CHAF1A: variants seen among roughly 807,000 people sequenced by gnomAD.
CHAF1A encodes CAF-1 subunit A.
CHAF1A carries 5 observed loss-of-function variants against 93.2 expected under a neutral mutation model. That is an observed-to-expected ratio of 0.05 (90% CI 0.03 to 0.11). The LOEUF is 0.11. Among genes scored for constraint, CHAF1A ranks in the 10% least tolerant of loss-of-function variants. CHAF1A has a pLI of 1.00. For missense variants in CHAF1A, 1,102 were observed against 1,259.9 expected, an observed-to-expected ratio of 0.87 and a Z score of 1.90; for synonymous variants, 504 against 510.3, an observed-to-expected ratio of 0.99 and a Z score of 0.17.
intron 13 of CHAF1A, among the ~76,000 whole-genome samples, chr19:4,435,494 C>G (rs1352460959): frequency 6.6e-6 from 1 of 151,958 alleles, no homozygotes; most frequent in Admixed American, 6.6e-5. Flanking sequence ...CCACCTTAGC[C>G]TCCTCAGTAG....
chr19:4,410,611 C>T (rs1425289213), intron 3 of CHAF1A, among the ~76,000 whole-genome samples: 1 of 152,070 alleles, frequency 6.6e-6, no homozygotes, highest in Non-Finnish European at 1.5e-5. Flanking sequence ...GAATTTCTGA[C>T]CTCAAGTAAT....
At chr19:4,430,462 G>C (rs1053548253) in intron 10 of CHAF1A, 87 bp from the exon 11 acceptor site, 2 of 853,506 alleles carry the variant, frequency 2.3e-6, no homozygotes, top group African/African-American at 3.3e-5. Context: ...AGAGGTGTGA[G>C]CCACTGCGCC....
chr19:4,403,660 T>TAGCA (rs942642363), intron 1 of CHAF1A, among the ~76,000 whole-genome samples: 1 of 152,260 alleles, frequency 6.6e-6, no homozygotes, highest in African/African-American at 2.4e-5. Flanking sequence ...TGCAGGCCAG[T>TAGCA]AGCAGCCCCT....
At chr19:4,415,361 T>C (rs931970047) in intron 3 of CHAF1A, among the ~76,000 whole-genome samples, 8 of 152,170 alleles carry the variant, frequency 5.3e-5, no homozygotes, top group Non-Finnish European at 1.2e-4. Flanking sequence ...AAGTCTGTTA[T>C]CTCTGGACTC....
chr19:4,416,148 T>C (rs1973893802), intron 3 of CHAF1A, among the ~76,000 whole-genome samples: 1 of 151,844 alleles, frequency 6.6e-6, no homozygotes, highest in African/African-American at 2.4e-5. Flanking sequence ...CACTCCAGCC[T>C]GGGCGACAGA....
In CHAF1A at chr19:4,428,657, A is replaced by C. The variant is rs1366317181; in HGVS notation, c.1378-7A>C. The C allele has an allele frequency of 6.2e-7, 1 of 1,613,178 alleles. No individual in the cohort carries two copies. Among genetic ancestry groups the C allele is most frequent in the Non-Finnish European group, 8.5e-7 (1 of 1,179,324 alleles). On this transcript the variant is annotated splice_polypyrimidine_tract_variant and splice_region_variant and intron_variant, in intron 7 of 14. Coordinates refer to ENST00000301280, the MANE Select transcript of CHAF1A (RefSeq NM_005483.3). The stretch of plus-strand genomic sequence containing the variant: ...GAAGACCCCATCGGGTCTCTTCTTG[A>C]TTTCAGACCCTGGCCGGCTCCTGTG...
chr19:4,447,318 G>A, downstream of CHAF1A: 1 of 583,812 alleles, frequency 1.7e-6, no homozygotes, highest in Non-Finnish European at 3.1e-6. Flanking sequence ...AGGAGGAAAA[G>A]GATGCAGGTG....
rs1974226715 is a variant in CHAF1A, at chr19:4,433,443, G to A, written c.2577G>A (p.Thr859=). ...PKEDSGSVPS[T]GPSQGTPISL... ...AGGACAGTGGCAGCGTCCCCTCCAC[G>A]GGGCCCAGCCAGGGCACTCCCATCT... Residue 859 remains threonine (T), a synonymous_variant, in exon 13 of 15, where the codon ACG becomes ACA. Transcript: ENST00000301280. The surrounding 1 kb of genome is among the most constrained non-coding windows in gnomAD (Gnocchi z 5.6). 6.2e-7 allele frequency: 1 copy of A among 1,608,484 alleles called. No homozygotes were observed. Among genetic ancestry groups the A allele is most frequent in the Non-Finnish European group, 8.5e-7 (1 of 1,175,630 alleles).
chr19:4,410,215 A>G (rs992529609), intron 3 of CHAF1A, among the ~76,000 whole-genome samples: 5 of 151,870 alleles, frequency 3.3e-5, no homozygotes, highest in Non-Finnish European at 2.9e-5. Context: ...GACTTGGGGA[A>G]TTCTGTAGGG....
In CHAF1A at chr19:4,432,060, A is replaced by T; in HGVS notation, c.2056A>T (p.Ile686Phe). 1.2e-6 allele frequency: 2 copies of T among 1,614,124 alleles called. No individual in the cohort carries two copies. The highest frequency in any genetic ancestry group is 1.1e-5 in the South Asian group (1 of 91,080). Residue 686 changes from isoleucine to phenylalanine, a missense_variant, in exon 12 of 15, where the codon ATC (isoleucine) becomes TTC (phenylalanine). Ile to Phe is a conservative substitution (Grantham distance 21, BLOSUM62 0). Coordinates refer to ENST00000301280, the MANE Select transcript of CHAF1A (RefSeq NM_005483.3). ...KRFRVLQPVK[I>F]GCVWAADRDC... ...CTTTCGCGTCCTGCAACCTGTGAAG[A>T]TCGGCTGCGTGTGGGCGGCTGACAG...
chr19:4,426,536 A>G (rs541789928), intron 7 of CHAF1A, among the ~76,000 whole-genome samples: 214 of 150,664 alleles, frequency 1.4e-3, no homozygotes, highest in South Asian at 6.3e-3. Flanking sequence ...GTGCAGTGGC[A>G]TGATCTCAGC....
chr19:4,408,035 A>G (rs866041728), intron 2 of CHAF1A, among the ~76,000 whole-genome samples: 57 of 150,360 alleles, frequency 3.8e-4, no homozygotes, highest in Middle Eastern at 3.4e-3. Context: ...TTTTGAGACG[A>G]GGTCCCTTTT....
chr19:4,439,296 A>AG (rs1232307108), intron 13 of CHAF1A, among the ~76,000 whole-genome samples: 3 of 151,616 alleles, frequency 2.0e-5, no homozygotes, highest in African/African-American at 7.3e-5. Flanking sequence ...AAAAAAAAAA[A>AG]GACAAAAAGG....
downstream of CHAF1A, chr19:4,447,476 G>A: frequency 3.2e-6 from 5 of 1,551,554 alleles, no homozygotes; most frequent in South Asian, 2.2e-5. Context: ...GCCTGGTGTG[G>A]GCCACCACCG....
Position 4,429,770 on chromosome 19 carries a change from C to T in CHAF1A, c.1836C>T (p.Ser612=), listed in dbSNP as rs1974147768. ...EEWEEEEPGE[S]LSHSEGDDDD... Reference sequence around the variant, plus strand: ...GGGAAGAAGAGGAGCCTGGGGAGTCCCTGTCCCACAGTGAGGGGGTAAGGA... The same window carrying T: ...GGGAAGAAGAGGAGCCTGGGGAGTCTCTGTCCCACAGTGAGGGGGTAAGGA... Residue 612 remains serine, a synonymous_variant, in exon 10 of 15, where the codon TCC becomes TCT. Coordinates refer to ENST00000301280, the MANE Select transcript of CHAF1A (RefSeq NM_005483.3). The T allele has an allele frequency of 1.2e-6, 2 of 1,613,464 alleles. No individual in the cohort carries two copies. Among genetic ancestry groups the T allele is most frequent in the African/African-American group, 1.3e-5 (1 of 74,872 alleles).
intron 2 of CHAF1A, 74 bp downstream of exon 2, chr19:4,406,036 T>G: frequency 8.4e-7 from 1 of 1,195,348 alleles, no homozygotes; most frequent in African/African-American, 1.5e-5. Context: ...GAGACCTCAG[T>G]GGAAGCCTGG....
intron 4 of CHAF1A, among the ~76,000 whole-genome samples, chr19:4,418,926 G>A (rs879526377): frequency 1.3e-5 from 2 of 151,464 alleles, no homozygotes; most frequent in East Asian, 1.9e-4. Context: ...GCAGTGGCAC[G>A]ATCTCGGCTC....
At chr19:4,441,401 A>T (rs374833660) in intron 13 of CHAF1A, among the ~76,000 whole-genome samples, 5 of 152,048 alleles carry the variant, frequency 3.3e-5, no homozygotes, top group African/African-American at 1.2e-4. Flanking sequence ...TAAGGTCAGG[A>T]GTTTGAGACC....
downstream of CHAF1A, among the ~76,000 whole-genome samples, chr19:4,444,049 G>A (rs2145161515): frequency 6.6e-6 from 1 of 152,344 alleles, no homozygotes; most frequent in Non-Finnish European, 1.5e-5. Flanking sequence ...GGATTCAGCT[G>A]TGCCTGAAGC....
Sources: gnomAD v4.1 joint callset for allele counts (sites outside exome capture counted in the v4.1 genomes callset) on GRCh38, gnomAD v4.1.1 for gene constraint, Gnocchi (gnomAD v3.1) non-coding constraint, MANE v1.5 for transcripts, NCBI Gene and HGNC (gene_info 2026-07-23, HGNC 2026-07-21) for gene names.